The following UNC5C variants were observed in gnomAD, a reference collection of about 807,000 sequenced individuals.
The protein encoded by UNC5C is unc-5 netrin receptor C.
UNC5C carries 47 observed loss-of-function variants against 99.8 expected under a neutral mutation model. The observed-to-expected ratio is 0.47, with a 90% CI of 0.37 to 0.60. The LOEUF is 0.60. Ranked by LOEUF, UNC5C falls within the 20% of genes least tolerant of loss-of-function variation. The probability of loss-of-function intolerance (pLI) is 0.00; values close to 1 mark genes in which losing one functional copy is unlikely to be tolerated. For missense variants in UNC5C, 1,062 were observed against 1,165.9 expected, an observed-to-expected ratio of 0.91 and a Z score of 1.30; for synonymous variants, 487 against 452.2, an observed-to-expected ratio of 1.08 and a Z score of -0.98.
intron 1 of UNC5C, among the ~76,000 whole-genome samples, chr4:95,525,293 T>G (rs958570197): frequency 1.3e-5 from 2 of 152,142 alleles, no homozygotes; most frequent in East Asian, 1.9e-4. Context: ...TAAAATAAAT[T>G]ATATCTGCTT....
intron 2 of UNC5C, among the ~76,000 whole-genome samples, chr4:95,306,492 A>C (rs1742067616): frequency 6.6e-6 from 1 of 151,988 alleles, no homozygotes; most frequent in Admixed American, 6.6e-5. Flanking sequence ...ATGAGCCACC[A>C]CGCCTGCCTC....
chr4:95,270,029 T>C (rs2149390489), intron 4 of UNC5C, among the ~76,000 whole-genome samples: 1 of 152,262 alleles, frequency 6.6e-6, no homozygotes, highest in South Asian at 2.1e-4. Context: ...CCTTGACAAT[T>C]CTAAAAGACA....
At chr4:95,173,612 G>A (rs1463701802) in intron 14 of UNC5C, among the ~76,000 whole-genome samples, 16 of 145,846 alleles carry the variant, frequency 1.1e-4, no homozygotes, top group Non-Finnish European at 2.1e-4. Context: ...TGGTGGATAA[G>A]CTTTTTGATG....
At chr4:95,174,565 C>G (rs960905519) in intron 14 of UNC5C, among the ~76,000 whole-genome samples, 5 of 152,070 alleles carry the variant, frequency 3.3e-5, no homozygotes, top group African/African-American at 9.7e-5. Flanking sequence ...GAGTGAGATT[C>G]TTAATCCTGA....
intron 1 of UNC5C, among the ~76,000 whole-genome samples, chr4:95,541,218 A>C (rs2149496105): frequency 6.6e-6 from 1 of 152,298 alleles, no homozygotes; most frequent in South Asian, 2.1e-4. Context: ...AAATTTCAGA[A>C]ACAAACAATT....
At chr4:95,328,007 T>A (rs2149416583) in intron 2 of UNC5C, among the ~76,000 whole-genome samples, 1 of 145,234 alleles carries the variant, frequency 6.9e-6, no homozygotes, top group East Asian at 2.2e-4. Flanking sequence ...ACATGTGCCC[T>A]CTGGGGCTCC....
intron 12 of UNC5C, among the ~76,000 whole-genome samples, chr4:95,201,942 C>T (rs897952579): frequency 8.5e-5 from 13 of 152,098 alleles, no homozygotes; most frequent in African/African-American, 1.7e-4. Context: ...TGTTTATTCA[C>T]GCTGTTCCCT....
chr4:95,202,100 A>G (rs1440069176), intron 12 of UNC5C, among the ~76,000 whole-genome samples: 1 of 152,100 alleles, frequency 6.6e-6, no homozygotes, highest in African/African-American at 2.4e-5. Flanking sequence ...AGCACTTTGC[A>G]TGTCAGCCAC....
chr4:95,545,164 G>A (rs575433852), intron 1 of UNC5C, among the ~76,000 whole-genome samples: 16 of 152,256 alleles, frequency 1.1e-4, no homozygotes, highest in Admixed American at 5.2e-4. Context: ...TACAATAGGA[G>A]GTGTTCGAGG....
chr4:95,245,127 T>C lies in UNC5C; in HGVS notation c.793A>G (p.Thr265Ala). 6.2e-7 allele frequency: 1 copy of C among 1,611,846 alleles called. No individual in the cohort carries two copies. Among genetic ancestry groups the C allele is most frequent in the Non-Finnish European group, 8.5e-7 (1 of 1,179,422 alleles). Residue 265 changes from threonine to alanine, a missense_variant, in exon 6 of 16, where the codon ACC becomes GCC. Thr to Ala is a moderately conservative substitution (Grantham distance 58). This residue lies in a region of UNC5C where 810 missense variants were observed against 854.5 expected (regional missense o/e 0.95). Transcript: ENST00000453304. ...TTACACACAGACCACTCCGTCCAGG[T>C]GGACCAGCCACCGTTGACTGAAAGG... Reference protein sequence around the residue: ...VIVYVNGGWSTWTEWSVCNSR... With the variant: ...VIVYVNGGWSAWTEWSVCNSR...
chr4:95,240,966 C>T (rs1248037995), intron 7 of UNC5C, among the ~76,000 whole-genome samples: 1 of 151,330 alleles, frequency 6.6e-6, no homozygotes, highest in Non-Finnish European at 1.5e-5. Context: ...GGCATTAAAT[C>T]ACCCAAGATT....
chr4:95,318,449 A>C (rs1324796737), intron 2 of UNC5C, among the ~76,000 whole-genome samples: 1 of 152,202 alleles, frequency 6.6e-6, no homozygotes, highest in East Asian at 1.9e-4. Flanking sequence ...AGCCTAGGAG[A>C]CAAATGCAGT....
At chr4:95,461,634 C>A (rs1320301119) in intron 1 of UNC5C, among the ~76,000 whole-genome samples, 2 of 152,108 alleles carry the variant, frequency 1.3e-5, no homozygotes, top group Admixed American at 6.6e-5. Context: ...TTACATTATC[C>A]TTAGTCTTTT....
At chr4:95,242,744 T>C (rs1739373578) in intron 6 of UNC5C, 151 bp from the exon 7 acceptor site, 2 of 719,728 alleles carry the variant, frequency 2.8e-6, no homozygotes, top group Admixed American at 5.0e-5. Flanking sequence ...GGGAACTGCA[T>C]GTTCTACATC....
chr4:95,248,571 A>G, intron 5 of UNC5C: 1 of 456,088 alleles, frequency 2.2e-6, no homozygotes, highest in South Asian at 1.5e-5. Context: ...TGCTTTTAAG[A>G]GACAGGACTA....
chr4:95,536,971 G>C (rs1722797297), intron 1 of UNC5C, among the ~76,000 whole-genome samples: 1 of 152,158 alleles, frequency 6.6e-6, no homozygotes, highest in Non-Finnish European at 1.5e-5. Flanking sequence ...CAACACCAAA[G>C]AGTACCTCTT....
In UNC5C at chr4:95,344,456, C is replaced by T. The variant is rs182955539; in HGVS notation, c.125-8825G>A. The stretch of plus-strand genomic sequence containing the variant: ...ACATGAGATGCAAAAAGGAGTTCTT[C>T]AATTGGAAAGAAAATGTTAATGAGC... On this transcript the variant is annotated intron_variant, in intron 1 of 15. Transcript: ENST00000453304. 4.1e-3 allele frequency among the ~76,000 whole-genome samples: 627 copies of T among 152,020 alleles called. 3 individuals carry two copies. The highest frequency in any genetic ancestry group is 5.6e-3 in the Non-Finnish European group (378 of 67,952).
chr4:95,264,469 G>A (rs948867319), intron 4 of UNC5C, among the ~76,000 whole-genome samples: 2 of 152,096 alleles, frequency 1.3e-5, no homozygotes, highest in African/African-American at 4.8e-5. Context: ...TCAACAAACT[G>A]AATAGTCCAA....
At position 95,169,364 on chromosome 4, in the gene UNC5C, G is replaced by T. The variant is rs1219851648; in HGVS notation, c.2666C>A (p.Thr889Asn). 6.2e-7 allele frequency: 1 copy of T among 1,614,238 alleles called. No individual in the cohort carries two copies. The highest frequency in any genetic ancestry group is 8.5e-7 in the Non-Finnish European group (1 of 1,180,024). The change falls in exon 16 of 16, where the codon ACT (threonine) becomes AAT (asparagine). Residue 889 changes from threonine to asparagine, a missense_variant. Thr to Asn is a moderately conservative substitution (Grantham distance 65). Coordinates refer to ENST00000453304, the MANE Select transcript of UNC5C (RefSeq NM_003728.4). ...LNYFATKSSP[T>N]GVILDLWEAQ... ...TTCCCAAAGATCCAGGATTACGCCA[G>T]TTGGGCTGGATTTGGTGGCAAAGTA...
Sources: gnomAD v4.1 joint callset for allele counts (sites outside exome capture counted in the v4.1 genomes callset) on GRCh38, gnomAD v4.1.1 for gene constraint, gnomAD v4.1.1 regional missense constraint, MANE v1.5 for transcripts, NCBI Gene and HGNC (gene_info 2026-07-23, HGNC 2026-07-21) for gene names.